The following TSEN2 variants were observed in gnomAD, a reference collection of about 807,000 sequenced individuals.
TSEN2 encodes the protein tRNA-splicing endonuclease subunit Sen2.
A neutral mutation model predicts 59.2 loss-of-function variants in TSEN2; 54 were observed. That is an observed-to-expected ratio of 0.91 (90% CI 0.73 to 1.14). The LOEUF is 1.14. Ranked by LOEUF, TSEN2 falls within the 50% of genes most tolerant of loss-of-function variation. The pLI, the probability that TSEN2 is intolerant of heterozygous loss-of-function variation, is 0.00. For missense variants in TSEN2, 636 were observed against 576.2 expected, an observed-to-expected ratio of 1.10 and a Z score of -1.06; for synonymous variants, 195 against 198.2, an observed-to-expected ratio of 0.98 and a Z score of 0.14.
chr3:12,525,783 T>C lies in TSEN2; in HGVS notation c.1100-3105T>C, dbSNP rs565886878. ...TTTCAATGTGTTGGCCAGGCTGGTC[T>C]CAAACTCCTGGCCTCAAATGATCCA... On this transcript the variant is annotated intron_variant, in intron 8 of 11. Coordinates refer to ENST00000284995, the MANE Select transcript of TSEN2 (RefSeq NM_025265.4). 1.8e-4 allele frequency among the ~76,000 whole-genome samples: 28 copies of C among 151,612 alleles called. 1 individual carries two copies. Among genetic ancestry groups the C allele is most frequent in the Middle Eastern group, 3.4e-3 (1 of 290 alleles).
At chr3:12,511,569 CTT>C (rs35466636) in intron 6 of TSEN2, among the ~76,000 whole-genome samples, 14 of 141,020 alleles carry the variant, frequency 9.9e-5, no homozygotes, top group Admixed American at 7.1e-5. Flanking sequence ...GATAATTATG[CTT>C]TTTTTTTTTT....
chr3:12,531,653 A>G lies in TSEN2; in HGVS notation c.1332A>G (p.Lys444=), dbSNP rs113981920. The G allele has an allele frequency of 6.6e-4, 1,056 of 1,603,158 alleles. 7 individuals carry two copies. The Middle Eastern group carries it at 7.9e-3, about 12-fold the overall frequency. Residue 444 remains lysine (K), a synonymous_variant, in exon 11 of 12, where the codon AAA becomes AAG. Transcript: ENST00000284995. ...CACCAGAATGTATGAAAAGGATTAAAGTTCAGGTGGGTAAACTCAGAGAAA... is the reference window on the plus strand; with the variant it reads ...CACCAGAATGTATGAAAAGGATTAAGGTTCAGGTGGGTAAACTCAGAGAAA... ...MESPECMKRI[K]VQEVILSRWV... is the part of the protein sequence containing the mutation.
At chr3:12,491,868 T>C (rs1370445200) in intron 2 of TSEN2, among the ~76,000 whole-genome samples, 1 of 152,192 alleles carries the variant, frequency 6.6e-6, no homozygotes, top group African/African-American at 2.4e-5. Context: ...TATTAAACAA[T>C]ATAACAACTA....
At chr3:12,485,270 G>A (rs1575189293) in intron 1 of TSEN2, among the ~76,000 whole-genome samples, 1 of 152,288 alleles carries the variant, frequency 6.6e-6, no homozygotes, top group Admixed American at 6.5e-5. Flanking sequence ...ATTAAATGGA[G>A]CCACCTCTCC....
Position 12,532,735 on chromosome 3 carries a change from A to C in TSEN2, c.*14A>C. On this transcript the variant is annotated 3_prime_UTR_variant, in exon 12 of 12. Transcript: ENST00000284995. The stretch of plus-strand genomic sequence containing the variant: ...GACGATCTTTAACAATTCAACCTCA[A>C]ATTTCTAATTTCACCAACAACTATT... The C allele has an allele frequency of 6.2e-7, 1 of 1,613,740 alleles. No homozygotes were observed. The highest frequency in any genetic ancestry group is 1.1e-5 in the South Asian group (1 of 91,078).
At chr3:12,482,872 T>C (rs2124844982), upstream of TSEN2, among the ~76,000 whole-genome samples, 1 of 152,340 alleles carries the variant, frequency 6.6e-6, no homozygotes, top group African/African-American at 2.4e-5. Context: ...CAGCTGTCTC[T>C]CCCCTGCCCA....
At chr3:12,505,925 A>G (rs948784599) in intron 6 of TSEN2, among the ~76,000 whole-genome samples, 2 of 151,866 alleles carry the variant, frequency 1.3e-5, no homozygotes, top group East Asian at 2.0e-4. Flanking sequence ...CGATTGCACT[A>G]CTGCGCTCCA....
intron 4 of TSEN2, among the ~76,000 whole-genome samples, chr3:12,498,072 T>C (rs1303973207): frequency 1.4e-5 from 2 of 140,344 alleles, no homozygotes; most frequent in Non-Finnish European, 1.5e-5. Flanking sequence ...ATTTTCCTCT[T>C]TTTTTTTTTT....
intron 5 of TSEN2, among the ~76,000 whole-genome samples, chr3:12,504,203 A>G (rs2054584656): frequency 6.6e-6 from 1 of 152,210 alleles, no homozygotes; most frequent in African/African-American, 2.4e-5. Flanking sequence ...TAAAAATTAG[A>G]AACAATCTAA....
chr3:12,488,894 G>A (rs1022731607), intron 1 of TSEN2, among the ~76,000 whole-genome samples: 2 of 152,176 alleles, frequency 1.3e-5, no homozygotes, highest in East Asian at 1.9e-4. Flanking sequence ...ACTCGGGGTC[G>A]TCTACAAATC....
intron 9 of TSEN2, among the ~76,000 whole-genome samples, chr3:12,529,431 A>C (rs2057317944): frequency 6.9e-6 from 1 of 145,580 alleles, no homozygotes; most frequent in Non-Finnish European, 1.5e-5. Context: ...GCACCACTGC[A>C]CTCCAGCGTG....
chr3:12,528,954 G>T (rs199681223), intron 9 of TSEN2, 30 bp downstream of exon 9: 2 of 1,612,852 alleles, frequency 1.2e-6, no homozygotes, highest in Non-Finnish European at 1.7e-6. Context: ...TAAACTAATG[G>T]GTTAAAGGGA....
chr3:12,527,105 T>C (rs1186448374), intron 8 of TSEN2, among the ~76,000 whole-genome samples: 1 of 152,248 alleles, frequency 6.6e-6, no homozygotes, highest in East Asian at 1.9e-4. Context: ...TTCTTTCCAG[T>C]ACACTCCATC....
chr3:12,486,507 A>G (rs1363177761), intron 1 of TSEN2, among the ~76,000 whole-genome samples: 1 of 152,192 alleles, frequency 6.6e-6, no homozygotes, highest in African/African-American at 2.4e-5. Context: ...CTTGCAGGAC[A>G]TGGCCTGGGG....
intron 7 of TSEN2, 81 bp downstream of exon 7, chr3:12,516,742 T>A: frequency 7.7e-7 from 1 of 1,298,602 alleles, no homozygotes; most frequent in Non-Finnish European, 1.1e-6. Flanking sequence ...TATATTGCAT[T>A]AATACAAATG....
chr3:12,491,730 T>C (rs2053230331), intron 2 of TSEN2, among the ~76,000 whole-genome samples: 1 of 152,214 alleles, frequency 6.6e-6, no homozygotes, highest in African/African-American at 2.4e-5. Context: ...GAACCTCTTG[T>C]TAACTCAGAT....
upstream of TSEN2, among the ~76,000 whole-genome samples, chr3:12,481,897 ATG>A (rs151178256): frequency 0.026 from 3,923 of 150,062 alleles, 172 homozygotes; most frequent in African/African-American, 0.089. Context: ...CAGTTGATAT[ATG>A]TGTGTGTGTG....
At chr3:12,484,057 C>T (rs1441301897), upstream of TSEN2, among the ~76,000 whole-genome samples, 1 of 152,176 alleles carries the variant, frequency 6.6e-6, no homozygotes, top group African/African-American at 2.4e-5. Context: ...CATGCTGCAG[C>T]GTACACAGGT....
rs1559362381 is a variant in TSEN2 at position 12,528,869 on chromosome 3, TTTTC to T, written c.1100-12_1100-9del. Reference sequence around the variant, plus strand: ...TATTTTGAGTGGTTATACTTCTTTTTTTTCTTTCTTCTTTGCAGTGCTATATCGG... The same window carrying T: ...TATTTTGAGTGGTTATACTTCTTTTTTTTCTTCTTTGCAGTGCTATATCGG... On this transcript the variant is annotated splice_polypyrimidine_tract_variant and intron_variant, in intron 8 of 11. Coordinates refer to ENST00000284995, the MANE Select transcript of TSEN2 (RefSeq NM_025265.4). The T allele has an allele frequency of 2.5e-6, 4 of 1,613,904 alleles. No homozygotes were observed. The highest frequency in any genetic ancestry group is 2.2e-5 in the East Asian group (1 of 44,870).
Sources: allele counts gnomAD v4.1 joint callset (sites outside exome capture counted in the v4.1 genomes callset), GRCh38; gene constraint gnomAD v4.1.1; transcripts MANE v1.5; gene names NCBI Gene and HGNC (gene_info 2026-07-23, HGNC 2026-07-21).